LINC00632: variants seen among roughly 807,000 people sequenced by gnomAD.
The protein encoded by LINC00632 is long independently transcribed non-coding RNA 632.
intron 3 of LINC00632, among the ~76,000 whole-genome samples, chrX:140,749,731 G>T (rs1931381834): frequency 9.0e-6 from 1 of 110,930 alleles, no homozygotes; most frequent in South Asian, 3.9e-4. Context: ...CCAAGCTGGG[G>T]TACAGTGGCA....
intron 3 of LINC00632, among the ~76,000 whole-genome samples, chrX:140,738,845 T>C (rs771157443): frequency 1.8e-5 from 2 of 112,261 alleles, no homozygotes; most frequent in Admixed American, 9.5e-5. Context: ...GCTCACATTG[T>C]ATATATTATA....
chrX:140,764,490 C>T (rs1217802624), intron 3 of LINC00632: 1 of 112,394 alleles, frequency 8.9e-6, no homozygotes, highest in Non-Finnish European at 1.9e-5. Context: ...GGCGACCCCG[C>T]CCAGTGCAGA....
intron 3 of LINC00632, among the ~76,000 whole-genome samples, chrX:140,740,606 C>G (rs915367935): frequency 1.8e-5 from 2 of 110,514 alleles, no homozygotes; most frequent in Non-Finnish European, 3.8e-5. Flanking sequence ...CTTGTCCCTA[C>G]AGTGAAACCT....
chrX:140,723,378 CACACACATTCCAT>C (rs1569348171), intron 2 of LINC00632, among the ~76,000 whole-genome samples: 2,899 of 33,611 alleles, frequency 0.086, 148 homozygotes, highest in Middle Eastern at 0.22. Flanking sequence ...ACATTCCATA[CACACACATTCCAT>C]ACACACACAT....
intron 2 of LINC00632, among the ~76,000 whole-genome samples, chrX:140,723,636 C>G (rs1602734809): frequency 2.3e-5 from 1 of 42,662 alleles, no homozygotes; most frequent in Admixed American, 2.8e-4. Context: ...TCCATACACA[C>G]ACACATTCCA....
chrX:140,726,753 A>G (rs1301616409), intron 2 of LINC00632, among the ~76,000 whole-genome samples: 1 of 111,949 alleles, frequency 8.9e-6, no homozygotes, highest in Non-Finnish European at 1.9e-5. Flanking sequence ...ACCTCACAAT[A>G]CAGAAACATG....
At chrX:140,777,012 C>T (rs768861246) in exon 5 of LINC00632, among the ~76,000 whole-genome samples, 2 of 109,520 alleles carry the variant, frequency 1.8e-5, no homozygotes, top group Admixed American at 2.0e-4. Context: ...AAGCTGGAAG[C>T]CATCATTCTC....
exon 5 of LINC00632, among the ~76,000 whole-genome samples, chrX:140,779,980 G>T (rs1403198450): frequency 9.0e-6 from 1 of 111,166 alleles, no homozygotes; most frequent in Non-Finnish European, 1.9e-5. Flanking sequence ...AATCAGCACG[G>T]AGGCAAGGTT....
At chrX:140,785,805 A>G (rs1343159398) in exon 5 of LINC00632, among the ~76,000 whole-genome samples, 3 of 112,023 alleles carry the variant, frequency 2.7e-5, no homozygotes, top group African/African-American at 9.7e-5. Context: ...TAACTCTTCT[A>G]TCTATTTGAA....
intron 3 of LINC00632, among the ~76,000 whole-genome samples, chrX:140,744,880 G>A (rs1237618694): frequency 9.0e-6 from 1 of 110,636 alleles, no homozygotes; most frequent in Non-Finnish European, 1.9e-5. Flanking sequence ...ACCGCATCCA[G>A]CTGGACCAGA....
At chrX:140,733,997 G>A (rs968992309) in intron 3 of LINC00632, 3 of 112,409 alleles carry the variant, frequency 2.7e-5, no homozygotes, top group South Asian at 3.6e-4. Context: ...GCTCAGAAAC[G>A]TCCCTAAAAC....
intron 3 of LINC00632, among the ~76,000 whole-genome samples, chrX:140,766,732 T>C (rs777819568): frequency 1.8e-5 from 2 of 112,256 alleles, no homozygotes; most frequent in African/African-American, 3.2e-5. Context: ...TAATTAATTA[T>C]CATAAATGAA....
In LINC00632 at chrX:140,771,679, A is replaced by ATT. The variant is rs1208342979; in HGVS notation, n.192-398_192-397insTT. On this transcript the variant is annotated intron_variant and non_coding_transcript_variant, in intron 3 of 4. Coordinates refer to ENST00000648200, the Ensembl canonical transcript of LINC00632. ...TGTGTGTGTGTGTATATATATATAT[A>ATT]TATATATTTTTTTTTTTTGAGACGG... is the stretch of plus-strand genomic sequence containing the variant. Among the ~76,000 whole-genome samples the ATT allele has an allele frequency of 3.6e-3, 206 of 56,938 alleles. 4 individuals carry two copies. The highest frequency in any genetic ancestry group is 0.03 in the East Asian group (68 of 2,236). 49.4% of individuals were successfully genotyped at this position (56,938 alleles called of 115,157 possible).
chrX:140,732,824 C>T (rs751373169), intron 2 of LINC00632, among the ~76,000 whole-genome samples: 17 of 108,395 alleles, frequency 1.6e-4, no homozygotes, highest in Non-Finnish European at 3.1e-4. Context: ...AGTGCAGTGG[C>T]GTGATCTCAG....
chrX:140,790,521 T>C (rs931706428), exon 5 of LINC00632, among the ~76,000 whole-genome samples: 1 of 111,145 alleles, frequency 9.0e-6, no homozygotes, highest in Non-Finnish European at 1.9e-5. Flanking sequence ...TTTTCAGAAT[T>C]TTTCGCTATT....
At chrX:140,754,302 T>G (rs935466065) in intron 3 of LINC00632, among the ~76,000 whole-genome samples, 1 of 111,077 alleles carries the variant, frequency 9.0e-6, no homozygotes, top group Non-Finnish European at 1.9e-5. Context: ...TGCTCTGAAT[T>G]TTTTCCATAA....
rs1353807590 is a variant in LINC00632, at chrX:140,748,815, CTA to C, written n.191+14853_191+14854del. Among the ~76,000 whole-genome samples the C allele has an allele frequency of 4.9e-5, 5 of 102,539 alleles. No homozygotes were observed. In the East Asian group the frequency reaches 1.5e-3, roughly 30 times the overall value. 89.0% of individuals were successfully genotyped at this position (102,539 alleles called of 115,157 possible). On this transcript the variant is annotated intron_variant and non_coding_transcript_variant, in intron 3 of 4. Transcript: ENST00000648200. ...ATATTTTATATATGATATATTTTAT[CTA>C]TGATATATTTTATCTATGATATATA...
At chrX:140,739,598 A>T (rs974783938) in intron 3 of LINC00632, among the ~76,000 whole-genome samples, 6 of 111,531 alleles carry the variant, frequency 5.4e-5, no homozygotes, top group African/African-American at 2.0e-4. Context: ...CTATGATGTA[A>T]TGCTTTCATA....
At chrX:140,777,576 T>C (rs1157255398) in exon 5 of LINC00632, among the ~76,000 whole-genome samples, 3 of 112,732 alleles carry the variant, frequency 2.7e-5, no homozygotes, top group Non-Finnish European at 5.6e-5. Context: ...CCAGAATCTG[T>C]ATATTTCAAA....
Sources: gnomAD v4.1 joint callset for allele counts (sites outside exome capture counted in the v4.1 genomes callset) on GRCh38, gnomAD v4.1.1 for gene constraint, MANE v1.5 for transcripts, NCBI Gene and HGNC (gene_info 2026-07-23, HGNC 2026-07-21) for gene names.